Variants in BORCS7 observed in about 807,000 individuals in gnomAD.
The protein encoded by BORCS7 is BLOC-1-related complex subunit 7.
Under a neutral mutation model 17.5 loss-of-function variants are expected in BORCS7, and 20 were observed. That is an observed-to-expected ratio of 1.14 (90% CI 0.80 to 1.66). The LOEUF (loss-of-function observed/expected upper bound fraction) is 1.66, where lower values mean the gene tolerates loss of function less well. Ranked by LOEUF, BORCS7 falls within the 40% of genes most tolerant of loss-of-function variation. The pLI is 0.00. For missense variants in BORCS7, 122 were observed against 129.7 expected (o/e 0.94, Z 0.29); for synonymous variants, 57 against 49.8 (o/e 1.14, Z -0.61).
intron 1 of BORCS7, among the ~76,000 whole-genome samples, chr10:102,854,979 ATATATAT>A (rs1844403652): frequency 6.8e-6 from 1 of 147,174 alleles, no homozygotes; most frequent in Non-Finnish European, 1.5e-5. Flanking sequence ...AATATATGTA[ATATATAT>A]TATATATATT....
intron 3 of BORCS7, 52 bp from the exon 4 acceptor site, chr10:102,862,108 G>T: frequency 6.5e-7 from 1 of 1,533,902 alleles, no homozygotes; most frequent in South Asian, 1.1e-5. Context: ...GGTCATAAAT[G>T]AAACTTATTA....
At chr10:102,859,147 C>CT (rs67657945) in intron 1 of BORCS7, among the ~76,000 whole-genome samples, 2,692 of 141,008 alleles carry the variant, frequency 0.019, 68 homozygotes, top group South Asian at 0.13. Flanking sequence ...CTTTTCTTTT[C>CT]TTTTTTTTTT....
chr10:102,858,525 C>G (rs1844465711), intron 1 of BORCS7, among the ~76,000 whole-genome samples: 1 of 151,856 alleles, frequency 6.6e-6, no homozygotes, highest in Non-Finnish European at 1.5e-5. Flanking sequence ...TGGCATGTAC[C>G]TATAATCCCA....
At chr10:102,859,842 G>A (rs185575131) in intron 1 of BORCS7, among the ~76,000 whole-genome samples, 59 of 152,152 alleles carry the variant, frequency 3.9e-4, no homozygotes, top group African/African-American at 1.4e-3. Context: ...GAGATTACGG[G>A]CATGAGCCAC....
rs374746283 is a variant in BORCS7 at position 102,854,474 on chromosome 10, A to T, written c.141+47A>T. 2.7e-6 allele frequency: 4 copies of T among 1,506,412 alleles called. No homozygotes were observed. The African/African-American group carries it at 5.6e-5, about 21-fold the overall frequency. The allele number at this position is 1,506,412 out of a possible 1,614,324, so 93.3% of individuals were successfully genotyped here. On this transcript the variant is annotated intron_variant, in intron 1 of 4. Coordinates refer to ENST00000339834, the MANE Select transcript of BORCS7 (RefSeq NM_001136200.2). ...CCGGCCTGATAGTCCGGGGAGTCGCAGTCTTTCGTTGCTGTGGGAAGGAGG... is the reference window on the plus strand; with the variant it reads ...CCGGCCTGATAGTCCGGGGAGTCGCTGTCTTTCGTTGCTGTGGGAAGGAGG...
At chr10:102,861,814 G>T (rs1344331955) in intron 3 of BORCS7, among the ~76,000 whole-genome samples, 7 of 152,152 alleles carry the variant, frequency 4.6e-5, no homozygotes, top group Non-Finnish European at 8.8e-5. Flanking sequence ...GCTAATGTTT[G>T]TCATAATCAT....
In BORCS7 at chr10:102,864,884, G is replaced by A. The variant is rs1196824409; in HGVS notation, c.*1960G>A. ...AGATAATATTTTTAAAATAACAAATGTTCAAATGCCATAAAAGAAAATTTG... is the reference window on the plus strand; with the variant it reads ...AGATAATATTTTTAAAATAACAAATATTCAAATGCCATAAAAGAAAATTTG... On this transcript the variant is annotated 3_prime_UTR_variant, in exon 5 of 5. Transcript: ENST00000339834. 5 of 152,008 alleles carry A rather than the reference G, an allele frequency of 3.3e-5. No individual in the cohort carries two copies. Among genetic ancestry groups the A allele is most frequent in the East Asian group, 1.9e-4 (1 of 5,202 alleles). 9.4% of individuals were successfully genotyped at this position (152,008 alleles called of 1,614,324 possible). A position where few individuals can be genotyped will look rare whatever the true frequency, so the allele number is the denominator to read the frequency against.
At chr10:102,859,711 G>A (rs944964760) in intron 1 of BORCS7, among the ~76,000 whole-genome samples, 1 of 151,588 alleles carries the variant, frequency 6.6e-6, no homozygotes, top group African/African-American at 2.4e-5. Context: ...GATTACAAGC[G>A]CAGCCACCAT....
rs1320503760 is a variant in BORCS7 at position 102,863,195 on chromosome 10, C to T, written c.*271C>T. ...CTAAAAATACAAAGAATTAGCTGGGCGTGGTGGCGGGCGCCTGTAATCCCA... is the reference window on the plus strand; with the variant it reads ...CTAAAAATACAAAGAATTAGCTGGGTGTGGTGGCGGGCGCCTGTAATCCCA... On this transcript the variant is annotated 3_prime_UTR_variant, in exon 5 of 5. Coordinates refer to ENST00000339834, the MANE Select transcript of BORCS7 (RefSeq NM_001136200.2). 7 of 267,246 alleles carry T rather than the reference C, an allele frequency of 2.6e-5. No individual in the cohort carries two copies. Among genetic ancestry groups the T allele is most frequent in the South Asian group, 2.2e-4 (4 of 17,956 alleles). 16.6% of individuals were successfully genotyped at this position (267,246 alleles called of 1,614,324 possible). A position where few individuals can be genotyped will look rare whatever the true frequency, so the allele number is the denominator to read the frequency against.
Position 102,862,213 on chromosome 10 carries a change from C to T in BORCS7, c.269+33C>T, listed in dbSNP as rs748841116. On this transcript the variant is annotated intron_variant, in intron 4 of 4. Coordinates refer to ENST00000339834, the MANE Select transcript of BORCS7 (RefSeq NM_001136200.2). ...ACCCCAAAGGTAGAGGAGTAGGGAACCAACTGAAGCAGGCTGGGGGGATTT... is the reference window on the plus strand; with the variant it reads ...ACCCCAAAGGTAGAGGAGTAGGGAATCAACTGAAGCAGGCTGGGGGGATTT... 5.0e-6 allele frequency: 8 copies of T among 1,592,810 alleles called. No individual in the cohort carries two copies. In the South Asian group the frequency reaches 8.8e-5, roughly 18 times the overall value.
At chr10:102,860,870 A>G (rs1844507527) in intron 3 of BORCS7, 2 of 419,316 alleles carry the variant, frequency 4.8e-6, no homozygotes, top group South Asian at 3.5e-5. Flanking sequence ...GCCGTTGATC[A>G]GTATTTGATG....
chr10:102,860,232 G>A, intron 1 of BORCS7, 100 bp from the exon 2 acceptor site: 1 of 908,618 alleles, frequency 1.1e-6, no homozygotes, highest in Admixed American at 2.1e-5. Flanking sequence ...TAGGGTGGAG[G>A]AGTGGGAGAG....
At chr10:102,860,862 C>T (rs569221406) in intron 3 of BORCS7, 10 of 423,678 alleles carry the variant, frequency 2.4e-5, no homozygotes, top group African/African-American at 7.9e-5. Context: ...CCTGTGAGGC[C>T]GTTGATCAGT....
At chr10:102,860,848 G>C in intron 3 of BORCS7, 1 of 471,670 alleles carries the variant, frequency 2.1e-6, no homozygotes, top group East Asian at 3.6e-5. Context: ...CACTGTACTT[G>C]GCACCTGTGA....
intron 1 of BORCS7, among the ~76,000 whole-genome samples, chr10:102,854,823 G>A (rs1844397956): frequency 6.6e-6 from 1 of 150,558 alleles, no homozygotes; most frequent in African/African-American, 2.4e-5. Flanking sequence ...TACTTGGGAG[G>A]CTGAGGCAGG....
In BORCS7 at chr10:102,864,364, C is replaced by T. The variant is rs1477766552; in HGVS notation, c.*1440C>T. On this transcript the variant is annotated 3_prime_UTR_variant, in exon 5 of 5. Transcript: ENST00000339834. ...TTAATTTATGTACTAATTCTATAAA[C>T]ATGTATTAATAATTGCAGTATTATT... The T allele has an allele frequency of 1.3e-5, 2 of 152,122 alleles. No homozygotes were observed. Among genetic ancestry groups the T allele is most frequent in the African/African-American group, 2.4e-5 (1 of 41,438 alleles). The allele number at this position is 152,122 out of a possible 1,614,324, so 9.4% of individuals were successfully genotyped here.
intron 1 of BORCS7, among the ~76,000 whole-genome samples, chr10:102,856,191 C>T (rs1450827612): frequency 6.6e-6 from 1 of 152,114 alleles, no homozygotes; most frequent in Non-Finnish European, 1.5e-5. Context: ...CTCTTGCATG[C>T]CTGCGCTTCT....
rs1844551096 is a variant in BORCS7, at chr10:102,863,359, A to G, written c.*435A>G. On this transcript the variant is annotated 3_prime_UTR_variant, in exon 5 of 5. Coordinates refer to ENST00000339834, the MANE Select transcript of BORCS7 (RefSeq NM_001136200.2). ...CCAAAAAAAAAAAAAGAAAAAAAAA[A>G]GAAAAGTTCTGTGTTGATGTACAGT... 1.3e-5 allele frequency: 2 copies of G among 152,364 alleles called. No individual in the cohort carries two copies. The highest frequency in any genetic ancestry group is 2.9e-5 in the Non-Finnish European group (2 of 68,832). The allele number at this position is 152,364 out of a possible 1,614,324, so 9.4% of individuals were successfully genotyped here.
rs367688173 is a variant in BORCS7, at chr10:102,854,339, A to T, written c.53A>T (p.Lys18Met). Residue 18 changes from lysine to methionine, a missense_variant, in exon 1 of 5, where the codon AAG becomes ATG. By Grantham distance (95) the Lys-to-Met change is moderately conservative (BLOSUM62 -1). Transcript: ENST00000339834. Reference sequence around the variant, plus strand: ...CAAGCGCGGTTCGGTCAGTCCGTGAAGGGGCTTCTCACGGAGAAGGTGACC... The same window carrying T: ...CAAGCGCGGTTCGGTCAGTCCGTGATGGGGCTTCTCACGGAGAAGGTGACC... The part of the protein sequence containing the change: ...ESQARFGQSV[K>M]GLLTEKVTTC... The T allele has an allele frequency of 6.3e-7, 1 of 1,597,560 alleles. No individual in the cohort carries two copies. Among genetic ancestry groups the T allele is most frequent in the Non-Finnish European group, 8.5e-7 (1 of 1,171,970 alleles).
Sources: gnomAD v4.1 joint callset for allele counts (sites outside exome capture counted in the v4.1 genomes callset) on GRCh38, gnomAD v4.1.1 for gene constraint, MANE v1.5 for transcripts, NCBI Gene and HGNC (gene_info 2026-07-23, HGNC 2026-07-21) for gene names.